The following SPOCK3 variants were observed in gnomAD, a reference collection of about 807,000 sequenced individuals.
SPOCK3 encodes the protein SPARC (osteonectin), cwcv and kazal like domains proteoglycan 3, also known as testican-3.
Under a neutral mutation model 56.6 loss-of-function variants are expected in SPOCK3, and 30 were observed. The ratio of observed to expected loss-of-function variants is 0.53; its 90% confidence interval spans 0.40 to 0.72. SPOCK3 has a LOEUF of 0.72. Ranked by LOEUF, SPOCK3 falls within the 30% of genes least tolerant of loss-of-function variation. SPOCK3 has a pLI of 0.00. For synonymous variants in SPOCK3, 196 were observed against 183.3 expected (o/e 1.07, Z -0.56); for missense variants, 527 against 530.0 (o/e 0.99, Z 0.06).
intron 7 of SPOCK3, among the ~76,000 whole-genome samples, chr4:166,774,619 C>A (rs2126587733): frequency 6.6e-6 from 1 of 152,286 alleles, no homozygotes; most frequent in Non-Finnish European, 1.5e-5. Flanking sequence ...AATTTCAAAG[C>A]AGCAGCAACT....
At chr4:167,161,029 A>C (rs865868864) in intron 2 of SPOCK3, among the ~76,000 whole-genome samples, 6 of 152,068 alleles carry the variant, frequency 3.9e-5, no homozygotes, top group Non-Finnish European at 7.4e-5. Context: ...GCAACAAAAG[A>C]CAAAATTGAC....
At chr4:167,146,667 C>G (rs931878159) in intron 2 of SPOCK3, among the ~76,000 whole-genome samples, 1 of 152,142 alleles carries the variant, frequency 6.6e-6, no homozygotes. Context: ...TCACTCAAAA[C>G]TGCACAAACA....
intron 3 of SPOCK3, among the ~76,000 whole-genome samples, chr4:167,000,960 T>G (rs754403893): frequency 3.3e-5 from 5 of 152,218 alleles, no homozygotes; most frequent in African/African-American, 4.8e-5. Flanking sequence ...ATTTGGAGAC[T>G]GGATGAATAT....
chr4:166,861,967 C>T (rs1261440843), intron 6 of SPOCK3, among the ~76,000 whole-genome samples: 1 of 151,970 alleles, frequency 6.6e-6, no homozygotes, highest in Non-Finnish European at 1.5e-5. Context: ...TATTTTATTC[C>T]CTTTTGCCCT....
intron 2 of SPOCK3, among the ~76,000 whole-genome samples, chr4:167,176,827 G>A (rs1196466821): frequency 2.0e-5 from 3 of 152,126 alleles, no homozygotes; most frequent in African/African-American, 7.2e-5. Flanking sequence ...AGGCCAAGTG[G>A]TTCACGGGGG....
In SPOCK3 at chr4:167,165,148, T is replaced by C. The variant is rs190978930; in HGVS notation, c.189+68837A>G. Reference sequence around the variant, plus strand: ...AACAATACCATTCAGGACATAGGCATGGGCAAAGACTTCATGACTAAATCA... The same window carrying C: ...AACAATACCATTCAGGACATAGGCACGGGCAAAGACTTCATGACTAAATCA... On this transcript the variant is annotated intron_variant, in intron 2 of 10. Coordinates refer to ENST00000357545, the MANE Select transcript of SPOCK3 (RefSeq NM_001040159.2). 9.1e-4 allele frequency among the ~76,000 whole-genome samples: 138 copies of C among 152,236 alleles called. 1 individual carries two copies. In the East Asian group the frequency reaches 0.019, roughly 21 times the overall value.
intron 3 of SPOCK3, among the ~76,000 whole-genome samples, chr4:167,040,559 G>T (rs139327321): frequency 6.6e-6 from 1 of 152,280 alleles, no homozygotes; most frequent in African/African-American, 2.4e-5. Flanking sequence ...TGGTAACAAT[G>T]TGCTTCAAAA....
chr4:166,791,117 AT>A (rs138626656), intron 7 of SPOCK3, among the ~76,000 whole-genome samples: 3,555 of 152,332 alleles, frequency 0.023, 68 homozygotes, highest in African/African-American at 0.04. Context: ...AAATATATGG[AT>A]TAGTCATTAC....
At chr4:166,780,960 T>C (rs1740103355) in intron 7 of SPOCK3, among the ~76,000 whole-genome samples, 1 of 152,184 alleles carries the variant, frequency 6.6e-6, no homozygotes, top group Non-Finnish European at 1.5e-5. Flanking sequence ...GGCAACCCTA[T>C]AGTTACTTTA....
intron 2 of SPOCK3, among the ~76,000 whole-genome samples, chr4:167,207,423 T>G (rs1363217111): frequency 6.7e-6 from 1 of 149,740 alleles, no homozygotes; most frequent in African/African-American, 2.5e-5. Flanking sequence ...CTAAAAAAAA[T>G]GTAGGAAATA....
intron 2 of SPOCK3, among the ~76,000 whole-genome samples, chr4:167,070,046 C>T (rs1168845482): frequency 6.6e-6 from 1 of 151,918 alleles, no homozygotes; most frequent in Non-Finnish European, 1.5e-5. Context: ...CGCTTGAAAG[C>T]AACAACCATC....
intron 2 of SPOCK3, among the ~76,000 whole-genome samples, chr4:167,067,588 C>A (rs537951072): frequency 2.0e-5 from 3 of 151,870 alleles, no homozygotes; most frequent in Admixed American, 6.6e-5. Flanking sequence ...ATTCCTATAG[C>A]ATTTCACTTT....
At position 166,768,612 on chromosome 4, in the gene SPOCK3, C is replaced by A. The variant is rs552763641; in HGVS notation, c.710-13883G>T. ...AAACCTGACCTTTCTCTCTGGCTGC[C>A]CTTAACATTTTTTCCTTCATTTAAA... On this transcript the variant is annotated intron_variant, in intron 7 of 10. Coordinates refer to ENST00000357545, the MANE Select transcript of SPOCK3 (RefSeq NM_001040159.2). 2.0e-5 allele frequency among the ~76,000 whole-genome samples: 3 copies of A among 152,220 alleles called. No individual in the cohort carries two copies. In the East Asian group the frequency reaches 5.8e-4, roughly 29 times the overall value.
intron 2 of SPOCK3, among the ~76,000 whole-genome samples, chr4:167,148,950 C>A (rs372567654): frequency 2.6e-5 from 4 of 152,144 alleles, no homozygotes; most frequent in South Asian, 4.1e-4. Context: ...ACATAATAGA[C>A]TGAATATTTT....
At chr4:166,752,573 T>TATAC (rs1199477545) in intron 8 of SPOCK3, among the ~76,000 whole-genome samples, 18 of 28,916 alleles carry the variant, frequency 6.2e-4, no homozygotes, top group African/African-American at 2.2e-3. Flanking sequence ...TATATATATA[T>TATAC]ACACACACAC....
At chr4:166,743,716 G>A (rs1005315572) in intron 8 of SPOCK3, among the ~76,000 whole-genome samples, 4 of 152,322 alleles carry the variant, frequency 2.6e-5, no homozygotes, top group South Asian at 2.1e-4. Context: ...AAGGGAAGCC[G>A]TGATAGACGG....
At chr4:167,178,331 A>T (rs774038382) in intron 2 of SPOCK3, among the ~76,000 whole-genome samples, 1 of 152,192 alleles carries the variant, frequency 6.6e-6, no homozygotes, top group Non-Finnish European at 1.5e-5. Context: ...ATAATTTAAC[A>T]TTCTTCCATA....
At chr4:167,082,922 C>G (rs915410262) in intron 2 of SPOCK3, among the ~76,000 whole-genome samples, 6 of 151,538 alleles carry the variant, frequency 4.0e-5, no homozygotes, top group African/African-American at 1.5e-4. Context: ...AGAGAAAGGC[C>G]AACCGTGATA....
intron 6 of SPOCK3, among the ~76,000 whole-genome samples, chr4:166,850,953 G>T (rs527889029): frequency 1.3e-5 from 2 of 152,324 alleles, no homozygotes; most frequent in East Asian, 3.9e-4. Context: ...GCTCGAACTG[G>T]GTGGAGCCCA....
Sources: allele counts gnomAD v4.1 joint callset (sites outside exome capture counted in the v4.1 genomes callset), GRCh38; gene constraint gnomAD v4.1.1; transcripts MANE v1.5; gene names NCBI Gene and HGNC (gene_info 2026-07-23, HGNC 2026-07-21).